Variants in MAGI1 observed in about 807,000 individuals in gnomAD.
The protein encoded by MAGI1 is membrane associated guanylate kinase, WW and PDZ domain containing 1.
A neutral mutation model predicts 139.9 loss-of-function variants in MAGI1; 58 were observed. The observed-to-expected ratio is 0.41, with a 90% CI of 0.34 to 0.52. The LOEUF (loss-of-function observed/expected upper bound fraction) is 0.52, where lower values mean the gene tolerates loss of function less well. MAGI1 is among the 20% of genes least tolerant of loss of function. The pLI is 0.12. For synonymous variants in MAGI1, 812 were observed against 737.9 expected (o/e 1.10, Z -1.63); for missense variants, 1,874 against 1,901.6 (o/e 0.99, Z 0.27).
At chr3:66,024,461 C>A (rs926460464) in intron 1 of MAGI1, among the ~76,000 whole-genome samples, 4 of 151,254 alleles carry the variant, frequency 2.6e-5, no homozygotes, top group African/African-American at 9.8e-5. Context: ...ACAGAATAAG[C>A]CCTTCCAGGT....
Position 65,364,735 on chromosome 3 carries a change from T to C in MAGI1, c.3291-10A>G. The C allele has an allele frequency of 1.2e-6, 2 of 1,613,646 alleles. No individual in the cohort carries two copies. The highest frequency in any genetic ancestry group is 1.7e-6 in the Non-Finnish European group (2 of 1,179,686). ...TGGTTTGGTGGTATTCCTGCCAAAGTGAAAGAAATAAATATAAGAGCAACC... is the reference window on the plus strand; with the variant it reads ...TGGTTTGGTGGTATTCCTGCCAAAGCGAAAGAAATAAATATAAGAGCAACC... On this transcript the variant is annotated splice_polypyrimidine_tract_variant and intron_variant, in intron 19 of 22. Coordinates refer to ENST00000402939, the MANE Select transcript of MAGI1 (RefSeq NM_001033057.2).
chr3:65,379,186 A>G, intron 17 of MAGI1, 75 bp downstream of exon 17: 1 of 1,599,776 alleles, frequency 6.3e-7, no homozygotes, highest in Non-Finnish European at 8.5e-7. Flanking sequence ...GGTCTGAGTC[A>G]GCTTTCACTC....
chr3:66,019,151 C>T (rs1399733141), intron 1 of MAGI1, among the ~76,000 whole-genome samples: 2 of 152,206 alleles, frequency 1.3e-5, no homozygotes, highest in African/African-American at 4.8e-5. Context: ...AATAGGCAGG[C>T]TAACTTCAGA....
chr3:65,354,006 C>G lies in MAGI1; in HGVS notation c.*2372G>C, dbSNP rs1940098546. On this transcript the variant is annotated 3_prime_UTR_variant, in exon 23 of 23. Transcript: ENST00000402939. Reference sequence around the variant, plus strand: ...TATCATCTTACAACAAGAAGGACATCAAGATGTTAACTTCAGGATATATTC... The same window carrying G: ...TATCATCTTACAACAAGAAGGACATGAAGATGTTAACTTCAGGATATATTC... 1 of 152,166 alleles carries G rather than the reference C, an allele frequency of 6.6e-6. No individual in the cohort carries two copies. Among genetic ancestry groups the G allele is most frequent in the African/African-American group, 2.4e-5 (1 of 41,420 alleles). 9.4% of individuals were successfully genotyped at this position (152,166 alleles called of 1,614,324 possible). A position where few individuals can be genotyped will look rare whatever the true frequency, so the allele number is the denominator to read the frequency against.
intron 1 of MAGI1, among the ~76,000 whole-genome samples, chr3:65,805,792 A>C (rs1190862398): frequency 6.6e-6 from 1 of 152,222 alleles, no homozygotes; most frequent in Admixed American, 6.5e-5. Flanking sequence ...TTGGAGGGAC[A>C]TAGATGGAGC....
intron 2 of MAGI1, among the ~76,000 whole-genome samples, chr3:65,564,234 C>T (rs1191145582): frequency 6.6e-6 from 1 of 150,618 alleles, no homozygotes; most frequent in Non-Finnish European, 1.5e-5. Context: ...GACAAGGCTA[C>T]GAAAATGGAT....
chr3:65,955,341 T>C (rs1031761695), intron 1 of MAGI1, among the ~76,000 whole-genome samples: 2 of 152,116 alleles, frequency 1.3e-5, no homozygotes, highest in African/African-American at 4.8e-5. Flanking sequence ...TAAAACTAAA[T>C]AAATAAATAA....
chr3:65,453,140 G>T, intron 6 of MAGI1, 118 bp downstream of exon 6: 2 of 825,792 alleles, frequency 2.4e-6, no homozygotes, highest in East Asian at 2.5e-5. Context: ...AGCAGAAATT[G>T]GATTACCTTT....
chr3:65,917,022 T>C (rs569421968), intron 1 of MAGI1, among the ~76,000 whole-genome samples: 2 of 152,358 alleles, frequency 1.3e-5, no homozygotes, highest in East Asian at 3.9e-4. Flanking sequence ...TATTTTAAAT[T>C]TATAATGTCA....
At chr3:65,586,208 TAA>T (rs1289026194) in intron 2 of MAGI1, among the ~76,000 whole-genome samples, 1 of 139,708 alleles carries the variant, frequency 7.2e-6, no homozygotes. Flanking sequence ...AGACCCTGTC[TAA>T]AAAAAAAAAG....
At chr3:65,691,670 C>A (rs1209788679) in intron 1 of MAGI1, among the ~76,000 whole-genome samples, 3 of 152,212 alleles carry the variant, frequency 2.0e-5, no homozygotes. Flanking sequence ...AATGAAAAAA[C>A]CTTGAATTTC....
chr3:65,435,544 A>T (rs1947788125), intron 10 of MAGI1, among the ~76,000 whole-genome samples: 1 of 152,116 alleles, frequency 6.6e-6, no homozygotes, highest in African/African-American at 2.4e-5. Context: ...TAATGTCATC[A>T]GAAAATGTAT....
chr3:66,026,468 T>A (rs2068267048), intron 1 of MAGI1, among the ~76,000 whole-genome samples: 1 of 151,938 alleles, frequency 6.6e-6, no homozygotes, highest in Admixed American at 6.6e-5. Context: ...TTTTTTTTAA[T>A]TTTGCCTACT....
intron 1 of MAGI1, among the ~76,000 whole-genome samples, chr3:65,823,105 A>C (rs2042035598): frequency 6.6e-6 from 1 of 152,222 alleles, no homozygotes; most frequent in African/African-American, 2.4e-5. Context: ...TTTAACTTTA[A>C]CTGTTTTAAT....
chr3:65,811,111 A>G (rs993511024), intron 1 of MAGI1, among the ~76,000 whole-genome samples: 1 of 152,232 alleles, frequency 6.6e-6, no homozygotes, highest in Admixed American at 6.5e-5. Flanking sequence ...ATACAGTATC[A>G]AAGTATGTAT....
chr3:65,356,783 C>A lies in MAGI1; in HGVS notation c.3984G>T (p.Glu1328Asp). The change falls in exon 23 of 23, where the codon GAG (glutamate) becomes GAT (aspartate). Residue 1328 changes from glutamate to aspartate, a missense_variant. Around this residue, in one of 5 missense-constraint regions of MAGI1, gnomAD observed 653 missense variants for 644.5 expected, o/e 1.01. Coordinates refer to ENST00000402939, the MANE Select transcript of MAGI1 (RefSeq NM_001033057.2). ...PKRRSPEKRREGTRSADNTLE... is the reference protein window; with the variant it reads ...PKRRSPEKRRDGTRSADNTLE... Reference sequence around the variant, plus strand: ...AAGTGTTGTCGGCGCTGCGGGTGCCCTCCCTCCGCTTCTCTGGGGACCGCC... The same window carrying A: ...AAGTGTTGTCGGCGCTGCGGGTGCCATCCCTCCGCTTCTCTGGGGACCGCC... The A allele has an allele frequency of 6.2e-7, 1 of 1,608,796 alleles. No homozygotes were observed. The highest frequency in any genetic ancestry group is 2.2e-5 in the East Asian group (1 of 44,744).
chr3:65,478,397 A>T (rs1051622650), intron 4 of MAGI1, among the ~76,000 whole-genome samples, 195 bp downstream of exon 4: 1 of 152,188 alleles, frequency 6.6e-6, no homozygotes, highest in Non-Finnish European at 1.5e-5. Flanking sequence ...AAGTTAAAAT[A>T]TTCTTGTAAA....
At chr3:65,411,282 T>C (rs1332349452) in intron 12 of MAGI1, among the ~76,000 whole-genome samples, 4 of 152,202 alleles carry the variant, frequency 2.6e-5, no homozygotes, top group Non-Finnish European at 5.9e-5. Context: ...ACTCCTTAAC[T>C]ACCATACCGA....
intron 2 of MAGI1, among the ~76,000 whole-genome samples, chr3:65,498,279 A>T (rs1454596035): frequency 2.4e-5 from 3 of 122,812 alleles, no homozygotes; most frequent in East Asian, 4.5e-4. Flanking sequence ...GTACTAATAT[A>T]AAAAAAAAGA....
Sources: allele counts gnomAD v4.1 joint callset (sites outside exome capture counted in the v4.1 genomes callset), GRCh38; gene constraint gnomAD v4.1.1; regional missense constraint gnomAD v4.1.1; transcripts MANE v1.5; gene names NCBI Gene and HGNC (gene_info 2026-07-23, HGNC 2026-07-21).